TSC22D1: variants seen among roughly 807,000 people sequenced by gnomAD.
The protein encoded by TSC22D1 is TSC22 domain family protein 1.
Under a neutral mutation model 74.2 loss-of-function variants are expected in TSC22D1, and 9 were observed. That is an observed-to-expected ratio of 0.12 (90% CI 0.07 to 0.21). The LOEUF is 0.21. Among genes scored for constraint, TSC22D1 ranks in the 10% least tolerant of loss-of-function variants. TSC22D1 has a pLI of 1.00. For synonymous variants in TSC22D1, 586 were observed against 492.5 expected, an observed-to-expected ratio of 1.19 and a Z score of -2.51; for missense variants, 1,427 against 1,304.7, an observed-to-expected ratio of 1.09 and a Z score of -1.44.
intron 1 of TSC22D1, among the ~76,000 whole-genome samples, chr13:44,447,910 TCAACTCCTCTCAATGCCCTTCAGCAA>T (rs1379501384): frequency 3.4e-5 from 5 of 149,056 alleles, no homozygotes; most frequent in Non-Finnish European, 7.4e-5. Context: ...GAGATGGGGC[TCAACTCCTCTCAATGCCCTTCAGCAA>T]CAGGACTCAA....
At chr13:44,444,308 AGAAAAGAAAAG>A (rs1875454680) in intron 1 of TSC22D1, among the ~76,000 whole-genome samples, 10 of 98,656 alleles carry the variant, frequency 1.0e-4, no homozygotes, top group African/African-American at 2.9e-4. Flanking sequence ...AAAAAAAAAA[AGAAAAGAAAAG>A]AAAAAGAAAA....
chr13:44,504,639 A>G (rs1168102294), intron 1 of TSC22D1, among the ~76,000 whole-genome samples: 1 of 151,804 alleles, frequency 6.6e-6, no homozygotes, highest in Admixed American at 6.6e-5. Context: ...AAGCAAACTG[A>G]TAGAAGTAAT....
intron 1 of TSC22D1, among the ~76,000 whole-genome samples, chr13:44,566,007 T>C (rs1883349699): frequency 6.6e-6 from 1 of 152,202 alleles, no homozygotes; most frequent in Non-Finnish European, 1.5e-5. Flanking sequence ...ACCTTAACAT[T>C]TAACATTTGA....
At chr13:44,516,303 T>C in intron 1 of TSC22D1, 1 of 456,228 alleles carries the variant, frequency 2.2e-6, no homozygotes, top group East Asian at 6.4e-5. Flanking sequence ...CTTTACCAGC[T>C]CCCCTCTACC....
chr13:44,515,817 G>T (rs1223902040), intron 1 of TSC22D1, among the ~76,000 whole-genome samples: 2 of 152,152 alleles, frequency 1.3e-5, no homozygotes, highest in Non-Finnish European at 1.5e-5. Flanking sequence ...GCTGCCTAGG[G>T]CTAGGAAGGT....
intron 1 of TSC22D1, among the ~76,000 whole-genome samples, chr13:44,527,376 AGT>A (rs1224721960): frequency 2.6e-5 from 4 of 152,188 alleles, no homozygotes; most frequent in Non-Finnish European, 4.4e-5. Flanking sequence ...AAAAAACAGC[AGT>A]GTTATAAAAA....
At chr13:44,535,785 G>A (rs537341653) in intron 1 of TSC22D1, among the ~76,000 whole-genome samples, 8 of 151,962 alleles carry the variant, frequency 5.3e-5, no homozygotes, top group Admixed American at 5.2e-4. Context: ...ACATTCTGTA[G>A]TATTTTTATT....
At chr13:44,446,763 A>G (rs866508732) in intron 1 of TSC22D1, among the ~76,000 whole-genome samples, 2 of 16,902 alleles carry the variant, frequency 1.2e-4, no homozygotes, top group East Asian at 1.4e-3. Context: ...AAGAAGAAGA[A>G]GAAGAGGAAG....
At chr13:44,440,297 G>A (rs558038208) in intron 1 of TSC22D1, among the ~76,000 whole-genome samples, 2 of 152,324 alleles carry the variant, frequency 1.3e-5, no homozygotes, top group Admixed American at 6.5e-5. Flanking sequence ...CAGTGGCCGG[G>A]CGCGAGCGCG....
chr13:44,447,833 C>CTTTTTTTTTT (rs5803260), intron 1 of TSC22D1, among the ~76,000 whole-genome samples: 3 of 129,468 alleles, frequency 2.3e-5, no homozygotes, highest in Non-Finnish European at 1.6e-5. Context: ...AATGCCTTTT[C>CTTTTTTTTTT]TTTTTTTTTT....
intron 1 of TSC22D1, among the ~76,000 whole-genome samples, chr13:44,519,847 C>T (rs1880224732): frequency 2.0e-5 from 3 of 151,974 alleles, no homozygotes; most frequent in African/African-American, 4.8e-5. Flanking sequence ...TTCAGCCCTC[C>T]AGCCCGTAAA....
At chr13:44,554,168 T>C (rs960772192) in intron 1 of TSC22D1, among the ~76,000 whole-genome samples, 1 of 152,174 alleles carries the variant, frequency 6.6e-6, no homozygotes, top group Non-Finnish European at 1.5e-5. Flanking sequence ...TCTCCTTTTA[T>C]CCTCACAACA....
chr13:44,492,718 A>C (rs1249280867), intron 1 of TSC22D1, among the ~76,000 whole-genome samples: 1 of 152,192 alleles, frequency 6.6e-6, no homozygotes, highest in Admixed American at 6.5e-5. Flanking sequence ...GGAGGAATAC[A>C]ATATCGTTTC....
At chr13:44,541,696 C>T (rs1026439617) in intron 1 of TSC22D1, among the ~76,000 whole-genome samples, 2 of 152,016 alleles carry the variant, frequency 1.3e-5, no homozygotes, top group South Asian at 4.2e-4. Context: ...AAGAAAGGAG[C>T]ACAGATTAGA....
Position 44,442,638 on chromosome 13 carries a change from C to T in TSC22D1, c.2913-6543G>A, listed in dbSNP as rs1402089235. The stretch of plus-strand genomic sequence containing the variant: ...CGTTGAATAAAAAGAACAAATCGGC[C>T]AGGTGTGGTGGCTCATGCCTGTAAT... On this transcript the variant is annotated intron_variant, in intron 1 of 2. Transcript: ENST00000458659. Among the ~76,000 whole-genome samples the T allele has an allele frequency of 2.0e-5, 3 of 151,944 alleles. No homozygotes were observed. The East Asian group carries it at 5.8e-4, about 29-fold the overall frequency.
At chr13:44,547,926 A>C (rs1881937356) in intron 1 of TSC22D1, among the ~76,000 whole-genome samples, 1 of 152,178 alleles carries the variant, frequency 6.6e-6, no homozygotes, top group Non-Finnish European at 1.5e-5. Flanking sequence ...AGTAGCTGGA[A>C]CTACAGGAAC....
rs1226733397 is a variant in TSC22D1 at position 44,574,753 on chromosome 13, C to G, written c.1322G>C (p.Gly441Ala). 1 of 1,613,990 alleles carries G rather than the reference C, an allele frequency of 6.2e-7. No homozygotes were observed. Among genetic ancestry groups the G allele is most frequent in the African/African-American group, 1.3e-5 (1 of 74,934 alleles). ...EKENAVPATEGVLINKVVETV... is the reference protein window; with the variant it reads ...EKENAVPATEAVLINKVVETV... ...CTCCACCACTTTATTTATCAGCACA[C>G]CTTCTGTAGCAGGTACAGCATTTTC... The change falls in exon 1 of 3, where the codon GGT becomes GCT. Residue 441 changes from glycine to alanine, a missense_variant. Physicochemically the swap from Gly to Ala is moderately conservative, Grantham distance 60. This residue lies in a region of TSC22D1 where 1,343 missense variants were observed against 1,191.5 expected (regional missense o/e 1.13). Coordinates refer to ENST00000458659, the MANE Select transcript of TSC22D1 (RefSeq NM_183422.4).
chr13:44,575,657 C>A lies in TSC22D1; in HGVS notation c.418G>T (p.Asp140Tyr), dbSNP rs752644337. The change falls in exon 1 of 3, where the codon GAT becomes TAT. Residue 140 changes from aspartate to tyrosine, a missense_variant. Physicochemically the swap from Asp to Tyr is radical, Grantham distance 160. Coordinates refer to ENST00000458659, the MANE Select transcript of TSC22D1 (RefSeq NM_183422.4). ...TCTTCCGTGTGAGATTCATCCAGAT[C>A]ATCATAGCTCTCAGTGTCCTCTGCT... ...SIAEDTESYD[D>Y]LDESHTEDLS... The A allele has an allele frequency of 6.2e-7, 1 of 1,614,194 alleles. No homozygotes were observed. Among genetic ancestry groups the A allele is most frequent in the Non-Finnish European group, 8.5e-7 (1 of 1,180,040 alleles).
chr13:44,573,040 T>G (rs1350246388), intron 1 of TSC22D1, 123 bp downstream of exon 1: 1 of 1,386,868 alleles, frequency 7.2e-7, no homozygotes, highest in Non-Finnish European at 9.5e-7. Flanking sequence ...CCCATAAAAA[T>G]GCATTTTTCA....
Sources: allele counts gnomAD v4.1 joint callset (sites outside exome capture counted in the v4.1 genomes callset), GRCh38; gene constraint gnomAD v4.1.1; regional missense constraint gnomAD v4.1.1; transcripts MANE v1.5; gene names NCBI Gene and HGNC (gene_info 2026-07-23, HGNC 2026-07-21).